MRPS6: variants seen among roughly 807,000 people sequenced by gnomAD.
MRPS6 encodes mitochondrial ribosomal protein S6.
A neutral mutation model predicts 13.1 loss-of-function variants in MRPS6; 6 were observed. That is an observed-to-expected ratio of 0.46 (90% confidence interval 0.25 to 0.91). The LOEUF (loss-of-function observed/expected upper bound fraction) is 0.91. Ranked by LOEUF, MRPS6 falls within the 40% of genes least tolerant of loss-of-function variation. MRPS6 has a pLI of 0.18. For synonymous variants in MRPS6, 61 were observed against 56.5 expected, an observed-to-expected ratio of 1.08 and a Z score of -0.36; for missense variants, 164 against 155.6, an observed-to-expected ratio of 1.05 and a Z score of -0.29.
intron 1 of MRPS6, chr21:34,105,498 A>G: frequency 2.0e-6 from 2 of 999,970 alleles, no homozygotes; most frequent in South Asian, 9.4e-5. Flanking sequence ...GTAAGTATTA[A>G]TGCATTTTTA....
intron 2 of MRPS6, among the ~76,000 whole-genome samples, chr21:34,135,169 T>C (rs1413494646): frequency 6.6e-6 from 1 of 152,160 alleles, no homozygotes; most frequent in Non-Finnish European, 1.5e-5. Flanking sequence ...ATTTGTTTTT[T>C]TCCAGTTTGG....
In MRPS6 at chr21:34,092,967, C is replaced by T. The variant is rs569664911; in HGVS notation, c.45+19222C>T. Among the ~76,000 whole-genome samples, 7 of 152,236 alleles carry T rather than the reference C, an allele frequency of 4.6e-5. No individual in the cohort carries two copies. The South Asian group carries it at 6.2e-4, about 14-fold the overall frequency. ...CCCTGGAGGCAGGGTTTCATAACTG[C>T]GAACAGCAGTTTTCATTGTAATTGA... On this transcript the variant is annotated intron_variant, in intron 1 of 2. Transcript: ENST00000399312.
At chr21:34,102,481 A>G (rs1296810481) in intron 1 of MRPS6, 10 of 1,000,080 alleles carry the variant, frequency 1.0e-5, no homozygotes, top group Non-Finnish European at 1.2e-5. Context: ...AACCATTGGC[A>G]TATATAGTCT....
chr21:34,119,964 C>A (rs1980063151), intron 1 of MRPS6, among the ~76,000 whole-genome samples: 1 of 152,200 alleles, frequency 6.6e-6, no homozygotes, highest in African/African-American at 2.4e-5. Flanking sequence ...CCATTAGCAT[C>A]TCTAGAACTG....
intron 1 of MRPS6, chr21:34,098,297 AG>A: frequency 1.0e-6 from 1 of 1,000,092 alleles, no homozygotes; most frequent in Non-Finnish European, 1.2e-6. Flanking sequence ...ATGCCTTCCT[AG>A]GTGGATCCAG....
At chr21:34,126,820 G>T (rs1487702680) in intron 2 of MRPS6, among the ~76,000 whole-genome samples, 1 of 152,200 alleles carries the variant, frequency 6.6e-6, no homozygotes, top group African/African-American at 2.4e-5. Flanking sequence ...ACTTTGTTGA[G>T]AGTTGGCATG....
rs757471736 is a variant in MRPS6 at position 34,095,472 on chromosome 21, C to T, written c.45+21727C>T. ...ATTCAATGCCTTACTGCTTTTACAACTTCTGGGATGGGTTTTCATCCCAAT... is the reference window on the plus strand; with the variant it reads ...ATTCAATGCCTTACTGCTTTTACAATTTCTGGGATGGGTTTTCATCCCAAT... On this transcript the variant is annotated intron_variant, in intron 1 of 2. Transcript: ENST00000399312. The T allele has an allele frequency of 1.2e-6, 2 of 1,614,006 alleles. No homozygotes were observed. Among genetic ancestry groups the T allele is most frequent in the African/African-American group, 2.7e-5 (2 of 74,906 alleles).
In MRPS6 at chr21:34,129,893, G is replaced by T. The variant is rs142578146; in HGVS notation, c.185+4413G>T. On this transcript the variant is annotated intron_variant, in intron 2 of 2. Transcript: ENST00000399312. ...ATTCTGCAGCAGGTTTAGTGTTAGTGGTTTTGAAAATGTATGAGACCCAAC... is the reference window on the plus strand; with the variant it reads ...ATTCTGCAGCAGGTTTAGTGTTAGTTGTTTTGAAAATGTATGAGACCCAAC... 2.7e-3 allele frequency among the ~76,000 whole-genome samples: 412 copies of T among 152,246 alleles called. 2 individuals carry two copies. Among genetic ancestry groups the T allele is most frequent in the Non-Finnish European group, 5.0e-3 (340 of 68,012 alleles).
At chr21:34,100,109 A>G in intron 1 of MRPS6, 3 of 999,022 alleles carry the variant, frequency 3.0e-6, no homozygotes. Context: ...GCTAAGGTTC[A>G]GAATTGAAGC....
intron 2 of MRPS6, among the ~76,000 whole-genome samples, chr21:34,128,225 G>A (rs112162081): frequency 0.012 from 1,754 of 152,262 alleles, 38 homozygotes; most frequent in South Asian, 0.081. Flanking sequence ...CCTAGGCACC[G>A]GCTGAGGGAG....
chr21:34,102,104 T>G, intron 1 of MRPS6: 1 of 1,000,158 alleles, frequency 1.0e-6, no homozygotes, highest in African/African-American at 1.7e-5. Context: ...GCAAATCTTT[T>G]TCTTCTGTCA....
chr21:34,111,845 GT>G (rs60855689), intron 1 of MRPS6, among the ~76,000 whole-genome samples: 23,491 of 141,934 alleles, frequency 0.17, 3,371 homozygotes, highest in African/African-American at 0.4. Flanking sequence ...CAGAGTTGAG[GT>G]TTTTTTTTTT....
chr21:34,095,680 C>G, intron 1 of MRPS6: 1 of 1,613,864 alleles, frequency 6.2e-7, no homozygotes, highest in Non-Finnish European at 8.5e-7. Context: ...CTTTATGTGT[C>G]TGTCATCCTG....
intron 1 of MRPS6, among the ~76,000 whole-genome samples, chr21:34,114,539 T>A (rs1979827770): frequency 6.6e-6 from 1 of 152,118 alleles, no homozygotes; most frequent in South Asian, 2.1e-4. Context: ...GCCAATTGAA[T>A]TGAAATATCT....
chr21:34,073,683 C>G lies in MRPS6; in HGVS notation c.-18C>G, dbSNP rs751080694. The G allele has an allele frequency of 6.6e-7, 1 of 1,517,124 alleles. No homozygotes were observed. Among genetic ancestry groups the G allele is most frequent in the Non-Finnish European group, 8.9e-7 (1 of 1,124,926 alleles). 94.0% of individuals were successfully genotyped at this position (1,517,124 alleles called of 1,614,324 possible). ...GGAACCGGCTGGCTTCCGAGCCGCA[C>G]TCGCCGATCCTCCAGGCATGCCCCG... On this transcript the variant is annotated 5_prime_UTR_variant, in exon 1 of 3. Transcript: ENST00000399312.
chr21:34,089,046 T>G (rs1001911772), intron 1 of MRPS6, among the ~76,000 whole-genome samples: 1 of 152,136 alleles, frequency 6.6e-6, no homozygotes. Context: ...CTTTTCTTTT[T>G]GAGACAGTCT....
chr21:34,082,350 G>A (rs917717532), intron 1 of MRPS6, among the ~76,000 whole-genome samples: 1 of 152,102 alleles, frequency 6.6e-6, no homozygotes, highest in Admixed American at 6.5e-5. Context: ...ATACATGTAG[G>A]CTTCAGAGCT....
At chr21:34,097,926 G>T in intron 1 of MRPS6, 2 of 996,572 alleles carry the variant, frequency 2.0e-6, no homozygotes, top group Non-Finnish European at 2.4e-6. Flanking sequence ...AAGAAAGAAT[G>T]TTTTCCTGTA....
chr21:34,110,894 C>G (rs1042771069), intron 1 of MRPS6, among the ~76,000 whole-genome samples: 2 of 152,238 alleles, frequency 1.3e-5, no homozygotes, highest in African/African-American at 4.8e-5. Context: ...CTTCAATTTT[C>G]TTCCTAAGGC....
Sources: gnomAD v4.1 joint callset for allele counts (sites outside exome capture counted in the v4.1 genomes callset) on GRCh38, gnomAD v4.1.1 for gene constraint, MANE v1.5 for transcripts, NCBI Gene and HGNC (gene_info 2026-07-23, HGNC 2026-07-21) for gene names.